The following KCNK10 variants were observed in gnomAD, a reference collection of about 807,000 sequenced individuals.
KCNK10 encodes potassium two pore domain channel subfamily K member 10.
A neutral mutation model predicts 47.7 loss-of-function variants in KCNK10; 25 were observed. The observed-to-expected ratio is 0.52, with a 90% CI of 0.38 to 0.73. The LOEUF (loss-of-function observed/expected upper bound fraction) is 0.73. Among genes scored for constraint, KCNK10 ranks in the 30% least tolerant of loss-of-function variants. The pLI, the probability that KCNK10 is intolerant of heterozygous loss-of-function variation, is 0.00. For missense variants in KCNK10, 563 were observed against 714.5 expected (o/e 0.79, Z 2.42); for synonymous variants, 303 against 285.6 (o/e 1.06, Z -0.61).
At chr14:88,226,383 T>C (rs1173275983) in intron 4 of KCNK10, among the ~76,000 whole-genome samples, 1 of 152,224 alleles carries the variant, frequency 6.6e-6, no homozygotes, top group Admixed American at 6.5e-5. Flanking sequence ...ACTCAAAGTT[T>C]AAGAGTTCTT....
chr14:88,255,893 T>G (rs2139743600), intron 2 of KCNK10, among the ~76,000 whole-genome samples: 1 of 152,280 alleles, frequency 6.6e-6, no homozygotes, highest in East Asian at 1.9e-4. Flanking sequence ...ACCTACTTTG[T>G]AGGCTTCTTG....
chr14:88,212,433 T>C (rs1012666668), intron 4 of KCNK10, among the ~76,000 whole-genome samples: 3 of 149,216 alleles, frequency 2.0e-5, no homozygotes, highest in Non-Finnish European at 3.0e-5. Context: ...AGAGCAAAAC[T>C]CCATCTCAAA....
At chr14:88,199,985 CTTTT>C (rs1288736807) in intron 4 of KCNK10, among the ~76,000 whole-genome samples, 3 of 151,204 alleles carry the variant, frequency 2.0e-5, no homozygotes, top group Non-Finnish European at 3.0e-5. Context: ...TTCTTTCTTT[CTTTT>C]TCTTTCTTTC....
At chr14:88,295,758 C>A (rs913064910) in intron 1 of KCNK10, among the ~76,000 whole-genome samples, 7 of 152,066 alleles carry the variant, frequency 4.6e-5, no homozygotes, top group African/African-American at 1.7e-4. Flanking sequence ...AGGAGAACAC[C>A]TCCACTAGTA....
chr14:88,203,791 G>C (rs924170909), intron 4 of KCNK10, among the ~76,000 whole-genome samples: 2 of 152,176 alleles, frequency 1.3e-5, no homozygotes, highest in Non-Finnish European at 2.9e-5. Flanking sequence ...TCAGTGGTTA[G>C]AGCAGAGGTC....
chr14:88,286,378 GCATCTATATTGTGATAGAGGCATT>G (rs1268244633), intron 1 of KCNK10, among the ~76,000 whole-genome samples: 3 of 152,108 alleles, frequency 2.0e-5, no homozygotes, highest in Non-Finnish European at 4.4e-5. Flanking sequence ...ACTTATTGCT[GCATCTATATTGTGATAGAGGCATT>G]CATCTATATT....
In KCNK10 at chr14:88,191,340, AAC is replaced by A. The variant is rs56194944; in HGVS notation, c.868+882_868+883del. Among the ~76,000 whole-genome samples the A allele has an allele frequency of 4.1e-3, 622 of 149,952 alleles. 2 individuals carry two copies. Among genetic ancestry groups the A allele is most frequent in the African/African-American group, 9.1e-3 (371 of 40,948 alleles). On this transcript the variant is annotated intron_variant, in intron 5 of 6. Coordinates refer to ENST00000319231, the MANE Select transcript of KCNK10 (RefSeq NM_138317.3). ...CACTTCACCAGGAACTGGTAAAGGAAACACACACACACACACACACACACTCC... is the reference window on the plus strand; with the variant it reads ...CACTTCACCAGGAACTGGTAAAGGAAACACACACACACACACACACACTCC...
In KCNK10 at chr14:88,267,635, G is replaced by C. The variant is rs1887298363; in HGVS notation, c.53-4084C>G. On this transcript the variant is annotated intron_variant, in intron 1 of 6. Transcript: ENST00000319231. ...GATCTGCCCGCCTCAGCCTCCCAAA[G>C]TGCTGGGATTACAGACGTAAGCCAC... Among the ~76,000 whole-genome samples the C allele has an allele frequency of 3.3e-5, 5 of 152,280 alleles. No homozygotes were observed. In the South Asian group the frequency reaches 8.3e-4, roughly 25 times the overall value.
At chr14:88,293,310 C>T (rs1247246417) in intron 1 of KCNK10, among the ~76,000 whole-genome samples, 2 of 152,112 alleles carry the variant, frequency 1.3e-5, no homozygotes, top group Non-Finnish European at 2.9e-5. Flanking sequence ...TCCAACTGTC[C>T]AATTGACATT....
intron 2 of KCNK10, among the ~76,000 whole-genome samples, chr14:88,242,538 G>A (rs1170037463): frequency 2.0e-5 from 3 of 152,202 alleles, no homozygotes; most frequent in African/African-American, 7.2e-5. Flanking sequence ...GCCTCTAAGA[G>A]AACATGGAAT....
intron 3 of KCNK10, 29 bp from the exon 4 acceptor site, chr14:88,227,564 G>A (rs1886028012): frequency 6.4e-7 from 1 of 1,561,682 alleles, no homozygotes; most frequent in East Asian, 2.3e-5. Flanking sequence ...AAGAGGGAGA[G>A]TGGCAGAGAA....
intron 1 of KCNK10, among the ~76,000 whole-genome samples, chr14:88,308,416 G>T (rs894041458): frequency 6.6e-6 from 1 of 152,162 alleles, no homozygotes; most frequent in Non-Finnish European, 1.5e-5. Flanking sequence ...GCCTCATTCT[G>T]CCCCAGCAGC....
chr14:88,319,240 A>G (rs912579923), intron 1 of KCNK10, among the ~76,000 whole-genome samples: 1 of 152,160 alleles, frequency 6.6e-6, no homozygotes, highest in Non-Finnish European at 1.5e-5. Context: ...ATGCTATCCA[A>G]ACCAATCTAT....
At position 88,218,019 on chromosome 14, in the gene KCNK10, G is replaced by A. The variant is rs138621242; in HGVS notation, c.681+9356C>T. ...ATTACAGGCATGAGCCACCACGCCC[G>A]GCTCGATTTTCTTTTTTTTTTCAGA... On this transcript the variant is annotated intron_variant, in intron 4 of 6. Transcript: ENST00000319231. Among the ~76,000 whole-genome samples the A allele has an allele frequency of 3.9e-3, 599 of 151,892 alleles. 5 individuals carry two copies. The highest frequency in any genetic ancestry group is 0.013 in the African/African-American group (553 of 41,434).
chr14:88,247,872 T>C (rs1016700245), intron 2 of KCNK10, among the ~76,000 whole-genome samples: 4 of 152,212 alleles, frequency 2.6e-5, no homozygotes, highest in African/African-American at 7.2e-5. Flanking sequence ...TTGTGCCTTA[T>C]GATGGAAAAT....
intron 4 of KCNK10, among the ~76,000 whole-genome samples, chr14:88,194,572 G>C (rs1442777416): frequency 1.3e-5 from 2 of 152,210 alleles, no homozygotes; most frequent in African/African-American, 4.8e-5. Context: ...GTTGGCAAAA[G>C]AGGACTGCAA....
At chr14:88,295,951 C>T (rs546066290) in intron 1 of KCNK10, among the ~76,000 whole-genome samples, 7 of 152,248 alleles carry the variant, frequency 4.6e-5, no homozygotes, top group African/African-American at 1.7e-4. Flanking sequence ...ATTCTTGATC[C>T]TCAGCCCTTA....
In KCNK10 at chr14:88,263,211, C is replaced by A; in HGVS notation, c.393G>T (p.Thr131=). The A allele has an allele frequency of 2.5e-6, 4 of 1,612,546 alleles. No individual in the cohort carries two copies. Among genetic ancestry groups the A allele is most frequent in the Non-Finnish European group, 3.4e-6 (4 of 1,178,894 alleles). ...CTCACTCCCTGCTCACCTGGATCAA[C>A]GTCTCCAGCTCCTGGGGGCTCACAC... is the stretch of plus-strand genomic sequence containing the variant. ...HVCVSPQELE[T]LIQHALDADN... is the part of the protein sequence containing the mutation. Residue 131 remains threonine (T), a synonymous_variant, in exon 2 of 7, where the codon ACG becomes ACT. Coordinates refer to ENST00000319231, the MANE Select transcript of KCNK10 (RefSeq NM_138317.3).
chr14:88,206,907 C>G (rs562941003), intron 4 of KCNK10, among the ~76,000 whole-genome samples: 1 of 152,240 alleles, frequency 6.6e-6, no homozygotes, highest in Admixed American at 6.5e-5. Flanking sequence ...TTACAGGGTT[C>G]AGAACCACTG....
Sources: gnomAD v4.1 joint callset for allele counts (sites outside exome capture counted in the v4.1 genomes callset) on GRCh38, gnomAD v4.1.1 for gene constraint, MANE v1.5 for transcripts, NCBI Gene and HGNC (gene_info 2026-07-23, HGNC 2026-07-21) for gene names.